The following WIPF1 variants were observed in gnomAD, a reference collection of about 807,000 sequenced individuals.
The protein encoded by WIPF1 is WAS/WASL interacting protein family member 1.
Under a neutral mutation model 35.4 loss-of-function variants are expected in WIPF1, and 13 were observed. The ratio of observed to expected loss-of-function variants is 0.37; its 90% CI spans 0.24 to 0.58. The LOEUF (loss-of-function observed/expected upper bound fraction) is 0.58. Ranked by LOEUF, WIPF1 falls within the 20% of genes least tolerant of loss-of-function variation. The probability of loss-of-function intolerance (pLI) is 0.74; values close to 1 mark genes in which losing one functional copy is unlikely to be tolerated. For missense variants in WIPF1, 591 were observed against 667.0 expected, an observed-to-expected ratio of 0.89 and a Z score of 1.25; for synonymous variants, 267 against 266.3, an observed-to-expected ratio of 1.00 and a Z score of -0.02.
rs148821704 is a variant in WIPF1 at position 174,636,297 on chromosome 2, T to C, written c.-39+46477A>G. Among the ~76,000 whole-genome samples, 1,119 of 152,346 alleles carry C rather than the reference T, an allele frequency of 7.3e-3. 14 individuals carry two copies. The highest frequency in any genetic ancestry group is 0.025 in the African/African-American group (1,054 of 41,578). Reference sequence around the variant, plus strand: ...TTTTAAAGGCCTTAATAAAATGCTTTATAATTTTCCATGAAAATCCCTAAC... The same window carrying C: ...TTTTAAAGGCCTTAATAAAATGCTTCATAATTTTCCATGAAAATCCCTAAC... On this transcript the variant is annotated intron_variant, in intron 1 of 8. Coordinates refer to the WIPF1 transcript ENST00000272746.
At chr2:174,604,388 G>A (rs774134723) in intron 1 of WIPF1, among the ~76,000 whole-genome samples, 3 of 152,120 alleles carry the variant, frequency 2.0e-5, no homozygotes, top group African/African-American at 4.8e-5. Context: ...ATGTATATGC[G>A]CAATGCTTAC....
At chr2:174,657,730 T>TA (rs902727516) in intron 1 of WIPF1, among the ~76,000 whole-genome samples, 17 of 151,144 alleles carry the variant, frequency 1.1e-4, no homozygotes, top group African/African-American at 3.6e-4. Flanking sequence ...CCATCTCTAC[T>TA]AAAAAAAATA....
intron 1 of WIPF1, among the ~76,000 whole-genome samples, chr2:174,674,558 C>A (rs1179859237): frequency 6.6e-6 from 1 of 152,082 alleles, no homozygotes; most frequent in East Asian, 1.9e-4. Context: ...TAAGTCCAGC[C>A]ATGAACTTTT....
At chr2:174,632,817 G>A (rs1687069452) in intron 1 of WIPF1, among the ~76,000 whole-genome samples, 1 of 150,600 alleles carries the variant, frequency 6.6e-6, no homozygotes, top group African/African-American at 2.4e-5. Flanking sequence ...CAGATTTGCA[G>A]AATATAAAAC....
intron 1 of WIPF1, among the ~76,000 whole-genome samples, chr2:174,656,638 G>A (rs1687646281): frequency 6.6e-6 from 1 of 152,228 alleles, no homozygotes; most frequent in African/African-American, 2.4e-5. Context: ...CCAAGGAGGG[G>A]ATGTGAACAC....
At chr2:174,607,199 C>T (rs1050433185) in intron 1 of WIPF1, among the ~76,000 whole-genome samples, 1 of 151,934 alleles carries the variant, frequency 6.6e-6, no homozygotes, top group South Asian at 2.1e-4. Flanking sequence ...GGCAGGAGAT[C>T]GAGACCATCC....
chr2:174,607,178 C>T (rs1308839610), intron 1 of WIPF1, among the ~76,000 whole-genome samples: 2 of 152,056 alleles, frequency 1.3e-5, no homozygotes, highest in African/African-American at 2.4e-5. Flanking sequence ...CTGAGGCAGG[C>T]GGATCACGAG....
At chr2:174,602,848 C>A (rs541435481) in intron 1 of WIPF1, among the ~76,000 whole-genome samples, 1 of 152,344 alleles carries the variant, frequency 6.6e-6, no homozygotes, top group African/African-American at 2.4e-5. Context: ...ATTCCCCCTA[C>A]TTATAATCAC....
At chr2:174,585,891 G>A (rs1208311863) in intron 1 of WIPF1, among the ~76,000 whole-genome samples, 1 of 152,154 alleles carries the variant, frequency 6.6e-6, no homozygotes, top group Non-Finnish European at 1.5e-5. Context: ...ACCCAGGTGG[G>A]CCCAGTTAAG....
chr2:174,657,210 C>T (rs761689631), intron 1 of WIPF1, among the ~76,000 whole-genome samples: 2 of 152,096 alleles, frequency 1.3e-5, no homozygotes, highest in East Asian at 1.9e-4. Flanking sequence ...ATGGCCTAAG[C>T]GAAGTATCTG....
intron 1 of WIPF1, among the ~76,000 whole-genome samples, chr2:174,592,751 G>A (rs1449762611): frequency 2.6e-5 from 4 of 151,898 alleles, no homozygotes; most frequent in East Asian, 3.9e-4. Context: ...GATTACAGGC[G>A]TGTGCCATCA....
intron 1 of WIPF1, among the ~76,000 whole-genome samples, chr2:174,638,985 T>C (rs1687241724): frequency 1.3e-5 from 2 of 152,342 alleles, no homozygotes; most frequent in South Asian, 4.1e-4. Context: ...TTTGTTCATT[T>C]GTTTCTTTTT....
rs1348941818 is a variant in WIPF1 at position 174,572,070 on chromosome 2, G to A, written c.735C>T (p.Pro245=). Residue 245 remains proline (P), a synonymous_variant, in exon 5 of 8, where the codon CCC becomes CCT. Transcript: ENST00000679041. ...GCGGCAGGGGAGGCCGGTTGGAGAAGGGCGAGGAGGAGCTCAAGGGGGACT... is the reference window on the plus strand; with the variant it reads ...GCGGCAGGGGAGGCCGGTTGGAGAAAGGCGAGGAGGAGCTCAAGGGGGACT... ...IRQSPLSSSS[P]FSNRPPLPPT... 5.8e-6 allele frequency: 9 copies of A among 1,559,702 alleles called. No individual in the cohort carries two copies. Among genetic ancestry groups the A allele is most frequent in the African/African-American group, 1.4e-5 (1 of 73,344 alleles).
intron 1 of WIPF1, among the ~76,000 whole-genome samples, chr2:174,606,099 C>T (rs1173327959): frequency 6.7e-6 from 1 of 149,190 alleles, no homozygotes; most frequent in Non-Finnish European, 1.5e-5. Flanking sequence ...TCTGAACACC[C>T]ATTATTAGTG....
intron 1 of WIPF1, among the ~76,000 whole-genome samples, chr2:174,605,336 G>A (rs188159674): frequency 1.3e-5 from 2 of 152,284 alleles, no homozygotes; most frequent in Admixed American, 1.3e-4. Flanking sequence ...TACTCAGGAG[G>A]CTAAGGCAGG....
chr2:174,575,458 G>GAGCT lies in WIPF1; in HGVS notation c.182-82_182-79dup, dbSNP rs1685025916. 6.1e-6 allele frequency: 9 copies of GAGCT among 1,464,200 alleles called. No homozygotes were observed. In the East Asian group the frequency reaches 2.2e-4, roughly 35 times the overall value. The allele number at this position is 1,464,200 out of a possible 1,614,324, so 90.7% of individuals were successfully genotyped here. ...AACCATAAAACAACAGTACAACAGG[G>GAGCT]AGCTGGCCGGCTCTCGGCCTCCAGT... is the stretch of plus-strand genomic sequence containing the variant. On this transcript the variant is annotated intron_variant, in intron 3 of 7. Coordinates refer to ENST00000679041, the MANE Select transcript of WIPF1 (RefSeq NM_001375834.1).
chr2:174,572,154 G>A lies in WIPF1; in HGVS notation c.651C>T (p.Pro217=). The A allele has an allele frequency of 1.2e-6, 2 of 1,613,136 alleles. No homozygotes were observed. The highest frequency in any genetic ancestry group is 2.7e-5 in the African/African-American group (2 of 74,964). ...PGGPRQPSPG[P]TPPPFPGNRG... is the part of the protein sequence containing the mutation. ...GGTTTCCAGGGAAAGGGGGAGGAGTGGGCCCGGGGCTGGGCTGCCTGGGGC... is the reference window on the plus strand; with the variant it reads ...GGTTTCCAGGGAAAGGGGGAGGAGTAGGCCCGGGGCTGGGCTGCCTGGGGC... The change falls in exon 5 of 8, where the codon CCC becomes CCT. Residue 217 remains proline, a synonymous_variant. Transcript: ENST00000679041.
At chr2:174,627,454 TTTC>T (rs756475430) in intron 1 of WIPF1, among the ~76,000 whole-genome samples, 113 of 151,950 alleles carry the variant, frequency 7.4e-4, no homozygotes, top group Non-Finnish European at 1.3e-3. Context: ...CTTTCCTTTC[TTTC>T]TTCCTTTCTC....
intron 1 of WIPF1, among the ~76,000 whole-genome samples, chr2:174,678,552 T>C (rs1234063688): frequency 6.6e-6 from 1 of 152,234 alleles, no homozygotes; most frequent in Non-Finnish European, 1.5e-5. Flanking sequence ...GGTGCTGTAG[T>C]TGTGACCAAA....
Sources: gnomAD v4.1 joint callset for allele counts (sites outside exome capture counted in the v4.1 genomes callset) on GRCh38, gnomAD v4.1.1 for gene constraint, MANE v1.5 for transcripts, NCBI Gene and HGNC (gene_info 2026-07-23, HGNC 2026-07-21) for gene names.